Variants in PPTC7 observed in about 807,000 individuals in gnomAD.
PPTC7 encodes the protein protein phosphatase targeting COQ7, also known as protein phosphatase PTC7 homolog.
In PPTC7, 6 loss-of-function variants were observed where a neutral mutation model predicts 30.8. The ratio of observed to expected loss-of-function variants is 0.19; its 90% CI spans 0.11 to 0.38. The LOEUF is 0.38. Among genes scored for constraint, PPTC7 ranks in the 10% least tolerant of loss-of-function variants. The probability of loss-of-function intolerance (pLI) is 1.00; values close to 1 mark genes in which losing one functional copy is unlikely to be tolerated. For synonymous variants in PPTC7, 163 were observed against 168.1 expected (o/e 0.97, Z 0.23); for missense variants, 218 against 404.8 (o/e 0.54, Z 3.96).
intron 2 of PPTC7, chr12:110,546,294 T>C (rs976550508): frequency 2.7e-5 from 15 of 555,108 alleles, no homozygotes; most frequent in African/African-American, 1.5e-4. Context: ...GTATTATACA[T>C]AGTAATTGGG....
intron 1 of PPTC7, among the ~76,000 whole-genome samples, chr12:110,564,849 C>CA (rs1255184359): frequency 8.0e-6 from 1 of 125,542 alleles, no homozygotes; most frequent in Non-Finnish European, 1.7e-5. Flanking sequence ...TATATATATA[C>CA]ACGTATATGT....
Position 110,572,366 on chromosome 12 carries a change from G to A in PPTC7, c.223+10443C>T, listed in dbSNP as rs919779418. On this transcript the variant is annotated intron_variant, in intron 1 of 5. Coordinates refer to ENST00000354300, the MANE Select transcript of PPTC7 (RefSeq NM_139283.2). ...GGCTGAGGGAGAATCGCTTGAACCC[G>A]GGAGGTGGAGGCTGCAGTGAGCCAA... Among the ~76,000 whole-genome samples, 99 of 152,268 alleles carry A rather than the reference G, an allele frequency of 6.5e-4. 1 individual carries two copies. The highest frequency in any genetic ancestry group is 1.8e-3 in the African/African-American group (74 of 41,548).
At chr12:110,581,317 A>T (rs1348368244) in intron 1 of PPTC7, among the ~76,000 whole-genome samples, 1 of 151,976 alleles carries the variant, frequency 6.6e-6, no homozygotes, top group Non-Finnish European at 1.5e-5. Context: ...GGGAGGCTGA[A>T]GCAGGAGAAT....
chr12:110,582,962 G>T lies in PPTC7; in HGVS notation c.70C>A (p.Pro24Thr). 1 of 1,530,938 alleles carries T rather than the reference G, an allele frequency of 6.5e-7. No homozygotes were observed. Among genetic ancestry groups the T allele is most frequent in the Non-Finnish European group, 8.8e-7 (1 of 1,138,786 alleles). 94.8% of individuals were successfully genotyped at this position (1,530,938 alleles called of 1,614,324 possible). ...AVLGGLSQTD[P>T]RAGGGGGGDY... ...CCGCCGCCGCCGCCGCCGGCCCTGG[G>T]GTCGGTCTGCGAGAGGCCGCCGAGC... Residue 24 changes from proline (P) to threonine (T), a missense_variant, in exon 1 of 6, where the codon CCC (proline) becomes ACC (threonine). Transcript: ENST00000354300.
At chr12:110,575,424 T>C (rs1367168391) in intron 1 of PPTC7, among the ~76,000 whole-genome samples, 1 of 152,006 alleles carries the variant, frequency 6.6e-6, no homozygotes, top group Non-Finnish European at 1.5e-5. Context: ...ACTTTAGCAT[T>C]TGAGCTACTC....
At position 110,562,746 on chromosome 12, in the gene PPTC7, T is replaced by A. The variant is rs1406227040; in HGVS notation, c.224-10778A>T. On this transcript the variant is annotated intron_variant, in intron 1 of 5. Coordinates refer to ENST00000354300, the MANE Select transcript of PPTC7 (RefSeq NM_139283.2). ...AAGCAGAGGTTGCAGTGAGCTGTGATTGAGCCACTGCACTCCAGCCTGGGT... is the reference window on the plus strand; with the variant it reads ...AAGCAGAGGTTGCAGTGAGCTGTGAATGAGCCACTGCACTCCAGCCTGGGT... Among the ~76,000 whole-genome samples the A allele has an allele frequency of 2.6e-5, 4 of 151,948 alleles. No individual in the cohort carries two copies. In the East Asian group the frequency reaches 7.7e-4, roughly 29 times the overall value.
At chr12:110,569,200 G>A (rs905743547) in intron 1 of PPTC7, among the ~76,000 whole-genome samples, 5 of 152,014 alleles carry the variant, frequency 3.3e-5, no homozygotes, top group Admixed American at 6.6e-5. Context: ...GGGCATGGTG[G>A]CGGGCACCTG....
At chr12:110,560,686 G>C (rs1454133657) in intron 1 of PPTC7, among the ~76,000 whole-genome samples, 1 of 152,144 alleles carries the variant, frequency 6.6e-6, no homozygotes, top group East Asian at 1.9e-4. Flanking sequence ...GCGATGCCTA[G>C]AGAATAAATA....
At chr12:110,545,857 T>G in intron 3 of PPTC7, 23 bp downstream of exon 3, 1 of 1,611,528 alleles carries the variant, frequency 6.2e-7, no homozygotes, top group Non-Finnish European at 8.5e-7. Flanking sequence ...TGCTCACACT[T>G]AATGGCTGAG....
At chr12:110,557,433 C>T (rs934649633) in intron 1 of PPTC7, among the ~76,000 whole-genome samples, 1 of 151,994 alleles carries the variant, frequency 6.6e-6, no homozygotes, top group Non-Finnish European at 1.5e-5. Context: ...CCCTGATACA[C>T]CCCGCTACTT....
chr12:110,540,815 G>A (rs1352005862), intron 3 of PPTC7, among the ~76,000 whole-genome samples: 9 of 149,856 alleles, frequency 6.0e-5, no homozygotes, highest in East Asian at 2.0e-4. Flanking sequence ...TCGCTCTGTC[G>A]CCCAGGCTGG....
At chr12:110,544,072 C>T (rs1481138522) in intron 3 of PPTC7, among the ~76,000 whole-genome samples, 1 of 152,244 alleles carries the variant, frequency 6.6e-6, no homozygotes, top group African/African-American at 2.4e-5. Flanking sequence ...ATGTAGATTA[C>T]AGCCAACTTT....
At chr12:110,541,810 G>T (rs1216251819) in intron 3 of PPTC7, among the ~76,000 whole-genome samples, 2 of 151,810 alleles carry the variant, frequency 1.3e-5, no homozygotes, top group African/African-American at 4.8e-5. Flanking sequence ...TCATACGTAG[G>T]TATTTATTAG....
intron 1 of PPTC7, among the ~76,000 whole-genome samples, chr12:110,574,736 A>G (rs944796394): frequency 6.6e-6 from 1 of 152,058 alleles, no homozygotes; most frequent in African/African-American, 2.4e-5. Context: ...TTAGGAAACA[A>G]ATTATTTTAG....
intron 4 of PPTC7, among the ~76,000 whole-genome samples, chr12:110,538,953 A>C (rs1026455867): frequency 2.2e-4 from 34 of 152,172 alleles, no homozygotes; most frequent in African/African-American, 8.0e-4. Context: ...TCATAGATTT[A>C]CTTCCCTGTA....
intron 1 of PPTC7, among the ~76,000 whole-genome samples, chr12:110,573,469 C>A (rs1356169547): frequency 6.6e-6 from 1 of 152,180 alleles, no homozygotes; most frequent in Non-Finnish European, 1.5e-5. Flanking sequence ...TCCATTTGCA[C>A]ACTGTTGCAA....
chr12:110,559,730 G>GAAAAA (rs770672237), intron 1 of PPTC7, among the ~76,000 whole-genome samples: 1 of 89,664 alleles, frequency 1.1e-5, no homozygotes, highest in African/African-American at 4.2e-5. Context: ...AGCCTCAGGG[G>GAAAAA]AAAAAAAAAA....
At chr12:110,548,096 G>T (rs2064322551) in intron 2 of PPTC7, among the ~76,000 whole-genome samples, 1 of 148,784 alleles carries the variant, frequency 6.7e-6, no homozygotes, top group African/African-American at 2.5e-5. Context: ...AACAGTGCAA[G>T]ACTCTGTCTC....
Position 110,583,017 on chromosome 12 carries a change from G to A in PPTC7, c.15C>T (p.Leu5=), listed in dbSNP as rs1204535112. The A allele has an allele frequency of 1.4e-6, 2 of 1,444,892 alleles. No individual in the cohort carries two copies. The highest frequency in any genetic ancestry group is 3.0e-5 in the Admixed American group (1 of 33,486). The allele number at this position is 1,444,892 out of a possible 1,614,324, so 89.5% of individuals were successfully genotyped here. Reference sequence around the variant, plus strand: ...CGCGGGCCACCAGCCGCCCGTACGAGAGGACCGAGAACATCGCCGCCGCCG... The same window carrying A: ...CGCGGGCCACCAGCCGCCCGTACGAAAGGACCGAGAACATCGCCGCCGCCG... MFSV[L]SYGRLVARAV... The change falls in exon 1 of 6, where the codon CTC becomes CTT. Residue 5 remains leucine (L), a synonymous_variant. Transcript: ENST00000354300.
Sources: allele counts gnomAD v4.1 joint callset (sites outside exome capture counted in the v4.1 genomes callset), GRCh38; gene constraint gnomAD v4.1.1; transcripts MANE v1.5; gene names NCBI Gene and HGNC (gene_info 2026-07-23, HGNC 2026-07-21).